FAIM2: variants seen among roughly 807,000 people sequenced by gnomAD.
FAIM2 encodes Fas apoptotic inhibitory molecule 2.
Under a neutral mutation model 47.4 loss-of-function variants are expected in FAIM2, and 27 were observed. The ratio of observed to expected loss-of-function variants is 0.57; its 90% CI spans 0.42 to 0.78. The LOEUF is 0.78. FAIM2 is among the 30% of genes least tolerant of loss of function. FAIM2 has a pLI of 0.00. For synonymous variants in FAIM2, 156 were observed against 159.3 expected (o/e 0.98, Z 0.16); for missense variants, 311 against 389.4 (o/e 0.80, Z 1.69).
At position 49,869,386 on chromosome 12, in the gene FAIM2, A is replaced by G. The variant is rs1371714513; in HGVS notation, c.*1118T>C. 1 of 152,696 alleles carries G rather than the reference A, an allele frequency of 6.5e-6. No homozygotes were observed. Among genetic ancestry groups the G allele is most frequent in the Admixed American group, 6.5e-5 (1 of 15,276 alleles). 9.5% of individuals were successfully genotyped at this position (152,696 alleles called of 1,614,324 possible). A position where few individuals can be genotyped will look rare whatever the true frequency, so the allele number is the denominator to read the frequency against. On this transcript the variant is annotated 3_prime_UTR_variant, in exon 12 of 12. Transcript: ENST00000320634. ...CTCTGGGCTGAGTGAGTGGCCAGTG[A>G]AGCTAGAAGAGATGTGGACTGTGCC...
intron 5 of FAIM2, among the ~76,000 whole-genome samples, chr12:49,892,433 C>T (rs971439381): frequency 6.6e-6 from 1 of 152,156 alleles, no homozygotes; most frequent in South Asian, 2.1e-4. Context: ...TTCACCATGC[C>T]CCCTCCTCCA....
intron 2 of FAIM2, chr12:49,900,129 G>T: frequency 9.1e-7 from 1 of 1,094,220 alleles, no homozygotes; most frequent in Non-Finnish European, 1.2e-6. Flanking sequence ...TGTAGGGAAG[G>T]GAGGAGGACA....
rs1200079059 is a variant in FAIM2, at chr12:49,879,163, TGTGTGTGC to T, written c.801+8215_801+8222del. ...ATGTTTGTGTATGTGCATGTGTATGTGTGTGTGCATGAGTGCATGTGTATGCATGTGTA... is the reference window on the plus strand; with the variant it reads ...ATGTTTGTGTATGTGCATGTGTATGTATGAGTGCATGTGTATGCATGTGTA... On this transcript the variant is annotated intron_variant, in intron 11 of 11. Transcript: ENST00000320634. 1.5e-5 allele frequency among the ~76,000 whole-genome samples: 2 copies of T among 135,926 alleles called. 1 individual carries two copies. Among genetic ancestry groups the T allele is most frequent in the Non-Finnish European group, 3.1e-5 (2 of 64,512 alleles). 89.2% of individuals were successfully genotyped at this position (135,926 alleles called of 152,430 possible).
At chr12:49,890,614 T>C in intron 7 of FAIM2, 69 bp downstream of exon 7, 3 of 1,471,836 alleles carry the variant, frequency 2.0e-6, no homozygotes, top group Non-Finnish European at 1.9e-6. Context: ...TGGTCCTCAA[T>C]CCACCCTGCT....
In FAIM2 at chr12:49,870,372, G is replaced by A; in HGVS notation, c.*132C>T. On this transcript the variant is annotated 3_prime_UTR_variant, in exon 12 of 12. Coordinates refer to ENST00000320634, the MANE Select transcript of FAIM2 (RefSeq NM_012306.4). The stretch of plus-strand genomic sequence containing the variant: ...AAGCGGCAGAGGGCTGGGCTGGGCT[G>A]GGGTAGACAGTGACCTGGCCACAGG... The A allele has an allele frequency of 1.2e-6, 1 of 823,940 alleles. No individual in the cohort carries two copies. Among genetic ancestry groups the A allele is most frequent in the Middle Eastern group, 3.5e-4 (1 of 2,828 alleles). The allele number at this position is 823,940 out of a possible 1,614,324, so 51.0% of individuals were successfully genotyped here.
rs1167085556 is a variant in FAIM2 at position 49,874,631 on chromosome 12, G to T, written c.802-3978C>A. ...AGGTGACGCTGAGGGGCTCTGGGCA[G>T]TGCATGCCATGGAAAGGCCAGCTCA... is the stretch of plus-strand genomic sequence containing the variant. On this transcript the variant is annotated intron_variant, in intron 11 of 11. Transcript: ENST00000320634. The surrounding 1 kb of genome is among the most constrained non-coding windows in gnomAD (Gnocchi z 4.2). Among the ~76,000 whole-genome samples the T allele has an allele frequency of 6.6e-6, 1 of 152,244 alleles. No homozygotes were observed. Among genetic ancestry groups the T allele is most frequent in the African/African-American group, 2.4e-5 (1 of 41,464 alleles).
At chr12:49,890,196 C>G (rs73293458) in intron 7 of FAIM2, 42 bp from the exon 8 acceptor site, 12 of 1,606,418 alleles carry the variant, frequency 7.5e-6, no homozygotes, top group Non-Finnish European at 1.0e-5. Flanking sequence ...CAAACTCAGA[C>G]GCAGGGGCCC....
intron 11 of FAIM2, among the ~76,000 whole-genome samples, chr12:49,878,796 GTA>G (rs1294812224): frequency 2.0e-5 from 2 of 98,668 alleles, no homozygotes; most frequent in South Asian, 3.4e-4. Flanking sequence ...GTGCCTGTGT[GTA>G]TATGTGTGCA....
intron 5 of FAIM2, among the ~76,000 whole-genome samples, chr12:49,896,043 A>G (rs1297630065): frequency 6.6e-6 from 1 of 152,168 alleles, no homozygotes; most frequent in African/African-American, 2.4e-5. Context: ...TCCTGTCTTC[A>G]TGGCCCATCC....
rs762472540 is a variant in FAIM2, at chr12:49,901,306, G to A, written c.35C>T (p.Ala12Val). ...TQGKLSVANK[A>V]PGTEGQQQVH... ...CTGCTGCTGCCCCTCGGTCCCAGGG[G>A]CCTTGTTAGCCACGGAGAGCTATGG... The change falls in exon 2 of 12, where the codon GCC (alanine) becomes GTC (valine). Residue 12 changes from alanine to valine, a missense_variant. Ala to Val is a moderately conservative substitution (Grantham distance 64). Transcript: ENST00000320634. 1.3e-6 allele frequency: 2 copies of A among 1,592,162 alleles called. No homozygotes were observed. The highest frequency in any genetic ancestry group is 1.1e-5 in the South Asian group (1 of 88,188).
intron 11 of FAIM2, among the ~76,000 whole-genome samples, chr12:49,878,777 A>T (rs189330777): frequency 1.5e-4 from 9 of 61,474 alleles, no homozygotes; most frequent in African/African-American, 3.7e-4. Context: ...TGTGTGCATG[A>T]GTGTATGTGT....
rs765147386 is a variant in FAIM2 at position 49,889,526 on chromosome 12, C to T, written c.606G>A (p.Thr202=). Residue 202 remains threonine, a synonymous_variant, in exon 9 of 12, where the codon ACG becomes ACA. Coordinates refer to ENST00000320634, the MANE Select transcript of FAIM2 (RefSeq NM_012306.4). ...CGGTGACTGAGAGGCAGACAAGGGCCGTGATGCCCAGGCACAGCAGCACGG... is the reference window on the plus strand; with the variant it reads ...CGGTGACTGAGAGGCAGACAAGGGCTGTGATGCCCAGGCACAGCAGCACGG... The part of the protein sequence containing the change: ...TTSVLLCLGI[T]ALVCLSVTVF... 8.1e-6 allele frequency: 13 copies of T among 1,614,098 alleles called. No homozygotes were observed. Among genetic ancestry groups the T allele is most frequent in the South Asian group, 6.6e-5 (6 of 91,068 alleles).
At chr12:49,897,425 G>T in intron 4 of FAIM2, 94 bp downstream of exon 4, 2 of 1,182,150 alleles carry the variant, frequency 1.7e-6, no homozygotes, top group Non-Finnish European at 2.5e-6. Flanking sequence ...ATCTCTCCAG[G>T]CAGCATTCCA....
At chr12:49,891,165 C>T (rs1946897471) in intron 5 of FAIM2, 51 bp from the exon 6 acceptor site, 9 of 1,532,106 alleles carry the variant, frequency 5.9e-6, no homozygotes, top group African/African-American at 1.4e-5. Flanking sequence ...CTGGGTCCCT[C>T]CCCCAAGATC....
chr12:49,884,544 C>T (rs1256866742), intron 11 of FAIM2, among the ~76,000 whole-genome samples: 1 of 152,190 alleles, frequency 6.6e-6, no homozygotes, highest in Non-Finnish European at 1.5e-5. Flanking sequence ...AACTCCTCAG[C>T]CTCTCCCCAA....
At chr12:49,903,737 CG>C (rs1565621813) in intron 1 of FAIM2, 40 bp downstream of exon 1, 1 of 1,550,710 alleles carries the variant, frequency 6.4e-7, no homozygotes, top group South Asian at 1.2e-5. Flanking sequence ...AGCCGGGAGC[CG>C]GAGGATGGAG....
At chr12:49,895,953 A>T (rs1319103520) in intron 5 of FAIM2, among the ~76,000 whole-genome samples, 2 of 152,234 alleles carry the variant, frequency 1.3e-5, no homozygotes, top group African/African-American at 2.4e-5. Flanking sequence ...CTGCCAGAGA[A>T]GTCCCAGTTT....
Position 49,870,565 on chromosome 12 carries a change from T to C in FAIM2, c.890A>G (p.Tyr297Cys), listed in dbSNP as rs1946695024. Residue 297 changes from tyrosine (Y) to cysteine (C), a missense_variant, in exon 12 of 12, where the codon TAC becomes TGC. Tyr to Cys is a radical substitution (Grantham distance 194, BLOSUM62 -2). Coordinates refer to ENST00000320634, the MANE Select transcript of FAIM2 (RefSeq NM_012306.4). ...GGTGAAGATATAGATGATGTCTAGGTAAATGTTGAGGGCTCCAAAAATATA... is the reference window on the plus strand; with the variant it reads ...GGTGAAGATATAGATGATGTCTAGGCAAATGTTGAGGGCTCCAAAAATATA... ...EEYIFGALNIYLDIIYIFTFF... is the reference protein window; with the variant it reads ...EEYIFGALNICLDIIYIFTFF... 1 of 1,613,680 alleles carries C rather than the reference T, an allele frequency of 6.2e-7. No homozygotes were observed. Among genetic ancestry groups the C allele is most frequent in the South Asian group, 1.1e-5 (1 of 91,052 alleles).
intron 11 of FAIM2, among the ~76,000 whole-genome samples, chr12:49,882,722 G>T (rs1044857520): frequency 5.9e-5 from 9 of 152,070 alleles, no homozygotes; most frequent in Non-Finnish European, 8.8e-5. Flanking sequence ...TGCTCTGATT[G>T]TACCTCCGTG....
Sources: gnomAD v4.1 joint callset for allele counts (sites outside exome capture counted in the v4.1 genomes callset) on GRCh38, gnomAD v4.1.1 for gene constraint, Gnocchi (gnomAD v3.1) non-coding constraint, MANE v1.5 for transcripts, NCBI Gene and HGNC (gene_info 2026-07-23, HGNC 2026-07-21) for gene names.